The following NTM variants were observed in gnomAD, a reference collection of about 807,000 sequenced individuals.
NTM encodes neurotrimin, also known as IgLON family member 2.
Under a neutral mutation model 42.1 loss-of-function variants are expected in NTM, and 13 were observed. That is an observed-to-expected ratio of 0.31 (90% CI 0.20 to 0.49). The LOEUF is 0.49. Ranked by LOEUF, NTM falls within the 20% of genes least tolerant of loss-of-function variation. The pLI is 0.99. For missense variants in NTM, 373 were observed against 452.8 expected (o/e 0.82, Z 1.60); for synonymous variants, 187 against 179.2 (o/e 1.04, Z -0.35).
chr11:131,944,863 T>A (rs1593074608), intron 2 of NTM, among the ~76,000 whole-genome samples: 1 of 152,324 alleles, frequency 6.6e-6, no homozygotes, highest in East Asian at 1.9e-4. Context: ...AAAACACTGC[T>A]CCTGGGATAG....
chr11:132,315,154 C>T, intron 7 of NTM: 1 of 850,136 alleles, frequency 1.2e-6, no homozygotes, highest in Non-Finnish European at 1.4e-6. Flanking sequence ...GTCAAGAACT[C>T]AGAGGGGAAT....
intron 1 of NTM, among the ~76,000 whole-genome samples, chr11:131,849,198 T>C (rs2045252822): frequency 6.6e-6 from 1 of 152,194 alleles, no homozygotes; most frequent in Admixed American, 6.5e-5. Context: ...GGAAAGACTG[T>C]AATTTGAGCA....
intron 1 of NTM, among the ~76,000 whole-genome samples, chr11:131,903,942 T>C (rs1025349205): frequency 4.8e-4 from 50 of 104,220 alleles, no homozygotes; most frequent in African/African-American, 2.6e-3. Context: ...TCATGAAGAT[T>C]TTTTTTTGTT....
intron 2 of NTM, among the ~76,000 whole-genome samples, chr11:132,020,344 T>TA (rs1454657443): frequency 6.6e-6 from 1 of 152,170 alleles, no homozygotes; most frequent in Non-Finnish European, 1.5e-5. Flanking sequence ...TACTTATTTT[T>TA]ATGACTGGAT....
At chr11:131,581,400 C>T (rs987548766) in intron 1 of NTM, among the ~76,000 whole-genome samples, 7 of 152,262 alleles carry the variant, frequency 4.6e-5, no homozygotes, top group African/African-American at 1.4e-4. Context: ...AGTCAGATGA[C>T]GAAATTACAA....
chr11:131,374,085 ACAT>A (rs1206612468), intron 1 of NTM, among the ~76,000 whole-genome samples: 1 of 152,204 alleles, frequency 6.6e-6, no homozygotes, highest in Non-Finnish European at 1.5e-5. Flanking sequence ...CAAAGTGGAA[ACAT>A]CAGCCTGGGA....
chr11:131,976,858 C>T (rs1304394093), intron 2 of NTM, among the ~76,000 whole-genome samples: 1 of 152,166 alleles, frequency 6.6e-6, no homozygotes, highest in East Asian at 1.9e-4. Flanking sequence ...CTGCTCCCTC[C>T]GGAGCACAGG....
intron 1 of NTM, among the ~76,000 whole-genome samples, chr11:131,373,962 G>T (rs1466485575): frequency 6.6e-6 from 1 of 152,188 alleles, no homozygotes; most frequent in Non-Finnish European, 1.5e-5. Flanking sequence ...GGCTGGGCAG[G>T]CCGGCCAGGT....
intron 2 of NTM, among the ~76,000 whole-genome samples, chr11:131,956,011 A>G (rs1171513952): frequency 2.0e-5 from 3 of 152,138 alleles, no homozygotes; most frequent in African/African-American, 7.2e-5. Context: ...CTTTCTGAAC[A>G]TGCTCAGGCA....
At chr11:131,545,495 T>A (rs771467669) in intron 1 of NTM, among the ~76,000 whole-genome samples, 7 of 152,154 alleles carry the variant, frequency 4.6e-5, no homozygotes, top group African/African-American at 7.2e-5. Flanking sequence ...TATTCATCCA[T>A]ACATCTATCC....
intron 2 of NTM, among the ~76,000 whole-genome samples, chr11:131,971,093 G>A (rs2063473164): frequency 6.6e-6 from 1 of 152,114 alleles, no homozygotes; most frequent in Non-Finnish European, 1.5e-5. Flanking sequence ...CGGTGATTTT[G>A]CTGGGTCATG....
At chr11:132,318,173 A>C (rs2095478923) in intron 7 of NTM, among the ~76,000 whole-genome samples, 1 of 152,164 alleles carries the variant, frequency 6.6e-6, no homozygotes, top group Non-Finnish European at 1.5e-5. Context: ...AGTGGTTGCC[A>C]ATACACAGTG....
At chr11:131,968,804 C>G (rs542528628) in intron 2 of NTM, among the ~76,000 whole-genome samples, 2 of 152,318 alleles carry the variant, frequency 1.3e-5, no homozygotes, top group South Asian at 2.1e-4. Context: ...TTTTAGGCAA[C>G]TGAACACAAA....
At chr11:132,174,088 G>T (rs2076466494) in intron 3 of NTM, among the ~76,000 whole-genome samples, 2 of 152,130 alleles carry the variant, frequency 1.3e-5, no homozygotes, top group Admixed American at 1.3e-4. Context: ...TGGAAAAAGA[G>T]CTTAACTGAC....
chr11:132,115,968 C>G (rs1291385083), intron 2 of NTM, among the ~76,000 whole-genome samples: 1 of 152,204 alleles, frequency 6.6e-6, no homozygotes, highest in Non-Finnish European at 1.5e-5. Flanking sequence ...GCTCTTTGCC[C>G]CATTCATCCA....
intron 1 of NTM, among the ~76,000 whole-genome samples, chr11:131,518,201 C>A (rs1297824619): frequency 6.6e-6 from 1 of 152,078 alleles, no homozygotes; most frequent in Non-Finnish European, 1.5e-5. Flanking sequence ...ATATTCTAGA[C>A]AAAATGGATT....
intron 1 of NTM, among the ~76,000 whole-genome samples, chr11:131,417,683 G>A (rs559543263): frequency 3.0e-4 from 46 of 152,154 alleles, no homozygotes; most frequent in Non-Finnish European, 5.6e-4. Flanking sequence ...AGTAAGGGTT[G>A]TAAAAATGAT....
At chr11:132,138,691 G>A (rs1340889100) in intron 2 of NTM, among the ~76,000 whole-genome samples, 1 of 151,948 alleles carries the variant, frequency 6.6e-6, no homozygotes, top group Non-Finnish European at 1.5e-5. Flanking sequence ...CAGTCCAAAG[G>A]CCTGAGACAA....
At chr11:132,270,664 T>A (rs1344574482) in intron 4 of NTM, among the ~76,000 whole-genome samples, 1 of 151,642 alleles carries the variant, frequency 6.6e-6, no homozygotes, top group Non-Finnish European at 1.5e-5. Context: ...TTTTTTTTTT[T>A]ACTTTTTTGG....
Sources: gnomAD v4.1 joint callset for allele counts (sites outside exome capture counted in the v4.1 genomes callset) on GRCh38, gnomAD v4.1.1 for gene constraint, MANE v1.5 for transcripts, NCBI Gene and HGNC (gene_info 2026-07-23, HGNC 2026-07-21) for gene names.